Variants in ZNF560 observed in about 807,000 individuals in gnomAD.
The protein encoded by ZNF560 is zinc finger protein 560.
ZNF560 carries 54 observed loss-of-function variants against 81.8 expected under a neutral mutation model. That is an observed-to-expected ratio of 0.66 (90% CI 0.53 to 0.83). The LOEUF (loss-of-function observed/expected upper bound fraction) is 0.83, where lower values mean the gene tolerates loss of function less well. Ranked by LOEUF, ZNF560 falls within the 40% of genes least tolerant of loss-of-function variation. The pLI, the probability that ZNF560 is intolerant of heterozygous loss-of-function variation, is 0.00. For synonymous variants in ZNF560, 321 were observed against 317.9 expected (o/e 1.01, Z -0.10); for missense variants, 940 against 932.4 (o/e 1.01, Z -0.11).
rs770277479 is a variant in ZNF560 at position 9,466,525 on chromosome 19, G to A, written c.*49C>T. The A allele has an allele frequency of 1.3e-6, 2 of 1,509,220 alleles. No homozygotes were observed. Among genetic ancestry groups the A allele is most frequent in the South Asian group, 2.7e-5 (2 of 74,790 alleles). The allele number at this position is 1,509,220 out of a possible 1,614,324, so 93.5% of individuals were successfully genotyped here. ...TTTTTACATGTTCAGTTAGGCTTGA[G>A]GAAACAGCAAAGGTTTTTCCACATT... On this transcript the variant is annotated 3_prime_UTR_variant, in exon 10 of 10. Coordinates refer to ENST00000301480, the MANE Select transcript of ZNF560 (RefSeq NM_152476.3).
chr19:9,504,872 G>A, the ZNF560 span, among the ~76,000 whole-genome samples: 1 of 152,184 alleles, frequency 6.6e-6, no homozygotes, highest in South Asian at 2.1e-4. Flanking sequence ...GGATCACAAG[G>A]TCAAGAGATT....
the ZNF560 span, among the ~76,000 whole-genome samples, chr19:9,456,625 C>T: frequency 5.3e-5 from 8 of 152,178 alleles, no homozygotes; most frequent in African/African-American, 1.9e-4. Flanking sequence ...AATCATATCT[C>T]TACATCACTG....
chr19:9,463,423 C>T (rs1187365776), downstream of ZNF560, among the ~76,000 whole-genome samples: 1 of 152,146 alleles, frequency 6.6e-6, no homozygotes, highest in African/African-American at 2.4e-5. Context: ...CATACTCCAA[C>T]AACTGTGAAA....
intron 7 of ZNF560, 23 bp from the exon 8 acceptor site, chr19:9,469,733 C>T (rs2073093213): frequency 6.2e-7 from 1 of 1,607,248 alleles, no homozygotes; most frequent in South Asian, 1.1e-5. Flanking sequence ...AAAGATACAC[C>T]AATGGAAGAG....
At position 9,466,731 on chromosome 19, in the gene ZNF560, G is replaced by A. The variant is rs924132965; in HGVS notation, c.2216C>T (p.Pro739Leu). 1.2e-6 allele frequency: 2 copies of A among 1,614,062 alleles called. No individual in the cohort carries two copies. Among genetic ancestry groups the A allele is most frequent in the Non-Finnish European group, 1.7e-6 (2 of 1,179,994 alleles). ...CTTCCCACATTCCTTACATTTATAG[G>A]GCTTCTCTCCAGTGTGAATTCGCAC... is the stretch of plus-strand genomic sequence containing the variant. ...NHVRIHTGEK[P>L]YKCKECGKAF... is the part of the protein sequence containing the mutation. Residue 739 changes from proline to leucine, a missense_variant, in exon 10 of 10, where the codon CCC becomes CTC. By Grantham distance (98) the Pro-to-Leu change is moderately conservative (BLOSUM62 -3). Coordinates refer to ENST00000301480, the MANE Select transcript of ZNF560 (RefSeq NM_152476.3).
At chr19:9,481,101 G>A (rs1196748591) in intron 2 of ZNF560, among the ~76,000 whole-genome samples, 2 of 131,840 alleles carry the variant, frequency 1.5e-5, no homozygotes, top group East Asian at 4.4e-4. Context: ...AAAAAAAAAG[G>A]CCTCAGAAAT....
chr19:9,505,720 G>A, the ZNF560 span, among the ~76,000 whole-genome samples: 14 of 152,186 alleles, frequency 9.2e-5, no homozygotes, highest in South Asian at 4.2e-4. Flanking sequence ...TTGCTGTGTC[G>A]TCCAGGCTAG....
upstream of ZNF560, among the ~76,000 whole-genome samples, chr19:9,501,327 T>TTGTGTGTGTGTGTG (rs71185606): frequency 5.5e-5 from 6 of 109,024 alleles, no homozygotes; most frequent in South Asian, 3.6e-4. Context: ...CCTGGCTACT[T>TTGTGTGTGTGTGTG]TGTGTGTGTG....
intron 2 of ZNF560, among the ~76,000 whole-genome samples, chr19:9,495,329 T>TA (rs2073541053): frequency 6.6e-6 from 1 of 152,106 alleles, no homozygotes; most frequent in African/African-American, 2.4e-5. Context: ...TATTTATTTT[T>TA]AAAAAAGAAA....
the ZNF560 span, among the ~76,000 whole-genome samples, chr19:9,453,808 C>G: frequency 6.6e-6 from 1 of 152,216 alleles, no homozygotes; most frequent in African/African-American, 2.4e-5. Flanking sequence ...ACTGATAATA[C>G]TTGTAATAAG....
chr19:9,493,880 C>A (rs2144728974), intron 2 of ZNF560, among the ~76,000 whole-genome samples: 1 of 152,146 alleles, frequency 6.6e-6, no homozygotes, highest in South Asian at 2.1e-4. Flanking sequence ...CACCTGTAAT[C>A]CCAGCACTTT....
chr19:9,446,726 C>T, the ZNF560 span, among the ~76,000 whole-genome samples: 32 of 152,010 alleles, frequency 2.1e-4, no homozygotes, highest in African/African-American at 5.3e-4. Flanking sequence ...TTACACAAAG[C>T]GAATAATCTC....
the ZNF560 span, among the ~76,000 whole-genome samples, chr19:9,449,996 A>AAAAAAAAAAAGAAAAAAC: frequency 8.6e-6 from 1 of 115,878 alleles, no homozygotes; most frequent in African/African-American, 3.4e-5. Flanking sequence ...AAAAAAAAAA[A>AAAAAAAAAAAGAAAAAAC]AACAACTGAA....
intron 2 of ZNF560, among the ~76,000 whole-genome samples, chr19:9,484,538 T>C (rs145671586): frequency 8.6e-5 from 13 of 151,542 alleles, no homozygotes; most frequent in African/African-American, 2.4e-4. Flanking sequence ...TTCCGGCACT[T>C]TGGGAGGCTG....
the ZNF560 span, among the ~76,000 whole-genome samples, chr19:9,504,136 A>G: frequency 2.0e-5 from 3 of 152,158 alleles, no homozygotes; most frequent in African/African-American, 4.8e-5. Flanking sequence ...CAGTGCTTTT[A>G]AATTTACTGA....
chr19:9,483,445 A>C (rs1205052735), intron 2 of ZNF560, among the ~76,000 whole-genome samples: 1 of 135,184 alleles, frequency 7.4e-6, no homozygotes. Flanking sequence ...CCATCTGGGA[A>C]GTGAGGAGCG....
downstream of ZNF560, among the ~76,000 whole-genome samples, chr19:9,462,514 C>G (rs185944854): frequency 6.6e-6 from 1 of 152,162 alleles, no homozygotes; most frequent in Admixed American, 6.5e-5. Context: ...GCCCCCTGAT[C>G]CCACTTTGCA....
upstream of ZNF560, among the ~76,000 whole-genome samples, chr19:9,499,188 C>A (rs1328504287): frequency 1.3e-5 from 2 of 148,498 alleles, no homozygotes; most frequent in East Asian, 3.9e-4. Context: ...TTCTTTTTTT[C>A]TTCGAGGTAG....
downstream of ZNF560, among the ~76,000 whole-genome samples, chr19:9,465,170 C>T (rs1024225084): frequency 5.7e-5 from 8 of 139,740 alleles, no homozygotes; most frequent in Admixed American, 7.6e-5. Flanking sequence ...CTCGCTCAGT[C>T]GCCAGGCTGG....
Sources: gnomAD v4.1 joint callset for allele counts (sites outside exome capture counted in the v4.1 genomes callset) on GRCh38, gnomAD v4.1.1 for gene constraint, MANE v1.5 for transcripts, NCBI Gene and HGNC (gene_info 2026-07-23, HGNC 2026-07-21) for gene names.